NUTM2B: variants seen among roughly 807,000 people sequenced by gnomAD.
NUTM2B encodes the protein family with sequence similarity 22, member B.
Under a neutral mutation model 42.4 loss-of-function variants are expected in NUTM2B, and 2 were observed. The ratio of observed to expected loss-of-function variants is 0.05; its 90% CI spans 0.02 to 0.15. The LOEUF is 0.15. Among genes scored for constraint, NUTM2B ranks in the 10% least tolerant of loss-of-function variants. The pLI is 1.00. For synonymous variants in NUTM2B, 18 were observed against 402.4 expected, an observed-to-expected ratio of 0.04 and a Z score of 11.43; for missense variants, 58 against 952.6, an observed-to-expected ratio of 0.06 and a Z score of 12.36.
intron 1 of NUTM2B, among the ~76,000 whole-genome samples, chr10:79,705,283 T>C (rs2132244632): frequency 6.7e-6 from 1 of 149,264 alleles, no homozygotes; most frequent in East Asian, 2.0e-4. Flanking sequence ...GGCTATGCAG[T>C]GACACTGTCT....
chr10:79,695,042 C>T, the NUTM2B span, among the ~76,000 whole-genome samples: 3 of 152,192 alleles, frequency 2.0e-5, no homozygotes, highest in African/African-American at 7.2e-5. Flanking sequence ...TGGCTTCTGC[C>T]CCAGGACCTG....
Position 79,703,572 on chromosome 10 carries a change from T to C in NUTM2B, c.-38T>C. 1 of 278,044 alleles carries C rather than the reference T, an allele frequency of 3.6e-6. No homozygotes were observed. Among genetic ancestry groups the C allele is most frequent in the Non-Finnish European group, 5.5e-6 (1 of 182,826 alleles). 17.2% of individuals were successfully genotyped at this position (278,044 alleles called of 1,614,324 possible). On this transcript the variant is annotated 5_prime_UTR_variant, in exon 1 of 7. An upstream start codon of the reference 5' UTR is lost. Coordinates refer to ENST00000429828, the Ensembl canonical transcript of NUTM2B. ...GAAAGAGCCAAAGTGGGAAGGAGCA[T>C]GGGTTGATTGGCACAAAAGTAGGTC...
At chr10:79,707,261 C>T (rs1317202774) in intron 2 of NUTM2B, among the ~76,000 whole-genome samples, 9 of 131,332 alleles carry the variant, frequency 6.9e-5, no homozygotes, top group Admixed American at 1.6e-4. Context: ...GGGCCGATGC[C>T]GGGCAGGTAT....
upstream of NUTM2B, among the ~76,000 whole-genome samples, chr10:79,701,522 G>A (rs1840313881): frequency 6.6e-6 from 1 of 151,990 alleles, no homozygotes; most frequent in Non-Finnish European, 1.5e-5. Context: ...CTGTCTCCAC[G>A]TGATAACACT....
At chr10:79,692,247 G>A in the NUTM2B span, among the ~76,000 whole-genome samples, 2 of 152,238 alleles carry the variant, frequency 1.3e-5, no homozygotes, top group Non-Finnish European at 1.5e-5. Context: ...AATCACATTA[G>A]CTAACAGTTA....
At chr10:79,695,792 G>T in the NUTM2B span, among the ~76,000 whole-genome samples, 1 of 151,790 alleles carries the variant, frequency 6.6e-6, no homozygotes, top group East Asian at 2.0e-4. Context: ...ATCTAGAAAA[G>T]TTCTGCTCTG....
At chr10:79,695,090 C>T in the NUTM2B span, among the ~76,000 whole-genome samples, 7 of 152,146 alleles carry the variant, frequency 4.6e-5, no homozygotes, top group African/African-American at 1.7e-4. Context: ...CCTGCCCTCC[C>T]CAGGCCCAGG....
chr10:79,698,159 A>C, the NUTM2B span, among the ~76,000 whole-genome samples: 1 of 119,618 alleles, frequency 8.4e-6, no homozygotes, highest in South Asian at 3.5e-4. Flanking sequence ...TAAAACCCAT[A>C]CAATACAAAA....
At chr10:79,699,866 A>G (rs545975075), upstream of NUTM2B, among the ~76,000 whole-genome samples, 2 of 152,138 alleles carry the variant, frequency 1.3e-5, no homozygotes, top group African/African-American at 4.8e-5. Context: ...TCATATAAAC[A>G]TATTTTCACA....
At chr10:79,701,359 C>T (rs1442007857), upstream of NUTM2B, among the ~76,000 whole-genome samples, 2 of 152,116 alleles carry the variant, frequency 1.3e-5, no homozygotes, top group Admixed American at 1.3e-4. Context: ...AACAATTCCA[C>T]ACTCCCCATC....
chr10:79,702,370 A>G (rs530692143), upstream of NUTM2B, among the ~76,000 whole-genome samples: 2 of 149,966 alleles, frequency 1.3e-5, no homozygotes, highest in South Asian at 4.2e-4. Context: ...TCAGGTTCAG[A>G]GTTGGGACAA....
chr10:79,695,161 A>C, the NUTM2B span, among the ~76,000 whole-genome samples: 1 of 152,020 alleles, frequency 6.6e-6, no homozygotes, highest in East Asian at 1.9e-4. Flanking sequence ...CTAGAATTAC[A>C]GCCCAGCTCT....
chr10:79,705,658 C>G (rs1840376579), intron 1 of NUTM2B, among the ~76,000 whole-genome samples: 1 of 138,768 alleles, frequency 7.2e-6, no homozygotes, highest in African/African-American at 2.7e-5. Context: ...GAGCACTGCC[C>G]TGGGGTAGGC....
the NUTM2B span, among the ~76,000 whole-genome samples, chr10:79,695,462 T>G: frequency 6.6e-6 from 1 of 152,148 alleles, no homozygotes; most frequent in African/African-American, 2.4e-5. Context: ...CCAACACATA[T>G]TCTCAACACT....
the NUTM2B span, among the ~76,000 whole-genome samples, chr10:79,697,434 C>A: frequency 6.6e-6 from 1 of 152,228 alleles, no homozygotes; most frequent in Middle Eastern, 3.4e-3. Flanking sequence ...ACCATTTCAT[C>A]ATATGGACTT....
intron 1 of NUTM2B, among the ~76,000 whole-genome samples, chr10:79,705,654 T>G (rs1478823819): frequency 7.2e-6 from 1 of 138,184 alleles, no homozygotes; most frequent in African/African-American, 2.7e-5. Context: ...TGCGGAGCAC[T>G]GCCCTGGGGT....
At chr10:79,694,935 C>T in the NUTM2B span, among the ~76,000 whole-genome samples, 2 of 152,176 alleles carry the variant, frequency 1.3e-5, no homozygotes, top group African/African-American at 4.8e-5. Context: ...AGACCTTCAC[C>T]TGCAGCTCAG....
chr10:79,694,431 A>G, the NUTM2B span, among the ~76,000 whole-genome samples: 1 of 152,016 alleles, frequency 6.6e-6, no homozygotes, highest in Non-Finnish European at 1.5e-5. Context: ...AGGAAAAAAA[A>G]GAAACATGAA....
the NUTM2B span, among the ~76,000 whole-genome samples, chr10:79,697,522 C>T: frequency 6.7e-6 from 1 of 149,114 alleles, no homozygotes; most frequent in Non-Finnish European, 1.5e-5. Context: ...TGAACCAGAT[C>T]GGGAATCTGA....
Sources: gnomAD v4.1 joint callset for allele counts (sites outside exome capture counted in the v4.1 genomes callset) on GRCh38, gnomAD v4.1.1 for gene constraint, MANE v1.5 for transcripts, NCBI Gene and HGNC (gene_info 2026-07-23, HGNC 2026-07-21) for gene names.